PTPN2: variants seen among roughly 807,000 people sequenced by gnomAD.
The protein encoded by PTPN2 is tyrosine-protein phosphatase non-receptor type 2.
PTPN2 carries 19 observed loss-of-function variants against 57.3 expected under a neutral mutation model. That is an observed-to-expected ratio of 0.33 (90% CI 0.23 to 0.49). The LOEUF (loss-of-function observed/expected upper bound fraction) is 0.49, where lower values mean the gene tolerates loss of function less well. Ranked by LOEUF, PTPN2 falls within the 20% of genes least tolerant of loss-of-function variation. The pLI is 0.99. For synonymous variants in PTPN2, 153 were observed against 164.9 expected, an observed-to-expected ratio of 0.93 and a Z score of 0.55; for missense variants, 358 against 501.1, an observed-to-expected ratio of 0.71 and a Z score of 2.73.
At chr18:12,831,212 T>TA (rs1296396235) in intron 3 of PTPN2, among the ~76,000 whole-genome samples, 171 bp from the exon 4 acceptor site, 2 of 152,230 alleles carry the variant, frequency 1.3e-5, no homozygotes, top group Non-Finnish European at 2.9e-5. Flanking sequence ...AGGTCTGTGT[T>TA]AGTTAGGATT....
intron 6 of PTPN2, among the ~76,000 whole-genome samples, chr18:12,814,926 A>T (rs572331176): frequency 6.6e-6 from 1 of 151,952 alleles, no homozygotes; most frequent in Non-Finnish European, 1.5e-5. Flanking sequence ...TCTACTAAAA[A>T]TACAAAAATT....
At chr18:12,880,871 G>A (rs985951609) in intron 1 of PTPN2, among the ~76,000 whole-genome samples, 2 of 152,008 alleles carry the variant, frequency 1.3e-5, no homozygotes, top group African/African-American at 4.8e-5. Flanking sequence ...CCTCTCTCCC[G>A]AACTCCAAAT....
At chr18:12,808,988 A>G (rs968163499) in intron 7 of PTPN2, among the ~76,000 whole-genome samples, 2 of 152,172 alleles carry the variant, frequency 1.3e-5, no homozygotes, top group African/African-American at 4.8e-5. Context: ...GCCACTGTTC[A>G]GTCTAGGGGA....
chr18:12,849,465 A>G (rs2145438478), intron 2 of PTPN2, among the ~76,000 whole-genome samples: 1 of 152,340 alleles, frequency 6.6e-6, no homozygotes, highest in South Asian at 2.1e-4. Context: ...AGGCTGAGGC[A>G]GGAGAATTGC....
chr18:12,883,765 G>A (rs1483290888), intron 1 of PTPN2: 4 of 268,996 alleles, frequency 1.5e-5, no homozygotes, highest in African/African-American at 2.2e-5. Flanking sequence ...CCCGGGCCGC[G>A]CAACGCTGGT....
chr18:12,874,257 G>A (rs1262067907), intron 1 of PTPN2, among the ~76,000 whole-genome samples: 37 of 145,822 alleles, frequency 2.5e-4, no homozygotes, highest in Non-Finnish European at 3.0e-4. Context: ...GAGGTGGGGG[G>A]TTCAGCCCCC....
At chr18:12,845,993 C>T (rs113536244) in intron 2 of PTPN2, among the ~76,000 whole-genome samples, 153 of 152,280 alleles carry the variant, frequency 1.0e-3, no homozygotes, top group African/African-American at 3.3e-3. Context: ...TGTTCTTTCA[C>T]GGTATTTTTT....
At chr18:12,807,582 A>ATATATATATAT (rs764663687) in intron 7 of PTPN2, among the ~76,000 whole-genome samples, 3 of 61,492 alleles carry the variant, frequency 4.9e-5, no homozygotes, top group African/African-American at 8.7e-5. Context: ...AAAAAAAAAA[A>ATATATATATAT]AAAAATATAT....
Position 12,794,132 on chromosome 18 carries a change from TGTGACTG to T in PTPN2, c.*139_*145del. On this transcript the variant is annotated 3_prime_UTR_variant, in exon 9 of 9. Transcript: ENST00000309660. ...GTCAAGAGTCCTGAGATGTTGGGCT[TGTGACTG>T]TAAATATCACTTATCTGGTTGATGT... 6.9e-7 allele frequency: 1 copy of T among 1,458,844 alleles called. No individual in the cohort carries two copies. The highest frequency in any genetic ancestry group is 9.0e-7 in the Non-Finnish European group (1 of 1,111,168). The allele number at this position is 1,458,844 out of a possible 1,614,324, so 90.4% of individuals were successfully genotyped here. A position where few individuals can be genotyped will look rare whatever the true frequency, so the allele number is the denominator to read the frequency against.
intron 2 of PTPN2, among the ~76,000 whole-genome samples, chr18:12,841,275 G>A (rs1447851845): frequency 1.3e-5 from 2 of 152,224 alleles, no homozygotes; most frequent in African/African-American, 4.8e-5. Flanking sequence ...TGGCTAGAGA[G>A]GGCTCCCCAG....
chr18:12,789,850 ATC>A (rs200958252), downstream of PTPN2, among the ~76,000 whole-genome samples: 384 of 130,212 alleles, frequency 2.9e-3, 5 homozygotes, highest in East Asian at 0.028. Flanking sequence ...TATTTTATAT[ATC>A]TCTCTGTATG....
chr18:12,843,993 C>A (rs185521112), intron 2 of PTPN2: 36 of 152,340 alleles, frequency 2.4e-4, no homozygotes, highest in African/African-American at 8.4e-4. Context: ...CTCTCCCTCT[C>A]GAGAATTCTC....
chr18:12,835,380 G>GTTTTTTTTTTTTTTTTTTTTTTTTTTTT (rs1598816657), intron 3 of PTPN2, among the ~76,000 whole-genome samples: 1 of 20,664 alleles, frequency 4.8e-5, no homozygotes, highest in African/African-American at 1.2e-4. Flanking sequence ...GATCACATAT[G>GTTTTTTTTTTTTTTTTTTTTTTTTTTTT]TCTTTTTTTT....
In PTPN2 at chr18:12,830,100, AT is replaced by A. The variant is rs148424474; in HGVS notation, c.360+842del. On this transcript the variant is annotated intron_variant, in intron 4 of 8. Coordinates refer to ENST00000309660, the MANE Select transcript of PTPN2 (RefSeq NM_002828.4). ...CAAACTGACAATGTCATAATCCTTG[AT>A]TTTTTTTTTTTTCTTTTTTGAGATG... Among the ~76,000 whole-genome samples, 1,121 of 147,618 alleles carry A rather than the reference AT, an allele frequency of 7.6e-3. 2 individuals are homozygous for A. The highest frequency in any genetic ancestry group is 0.017 in the African/African-American group (666 of 40,146).
chr18:12,873,959 G>A (rs1182249473), intron 1 of PTPN2, among the ~76,000 whole-genome samples: 2 of 151,406 alleles, frequency 1.3e-5, no homozygotes, highest in Non-Finnish European at 2.9e-5. Context: ...GGGAGGTGAG[G>A]AGCGTCTCTG....
intron 1 of PTPN2, among the ~76,000 whole-genome samples, chr18:12,881,559 T>C (rs185269994): frequency 6.6e-6 from 1 of 152,320 alleles, no homozygotes; most frequent in African/African-American, 2.4e-5. Context: ...GCATCTCAAC[T>C]TCACACCAGT....
rs1453062116 is a variant in PTPN2 at position 12,802,182 on chromosome 18, G to A, written c.859-31C>T. ...TAGGGAAGAGAAATGAAAAACAAAT[G>A]CAAACATTAAAAATTTATTTTCCTT... is the stretch of plus-strand genomic sequence containing the variant. On this transcript the variant is annotated intron_variant, in intron 7 of 8. Transcript: ENST00000309660. The A allele has an allele frequency of 5.4e-6, 8 of 1,478,382 alleles. No individual in the cohort carries two copies. The East Asian group carries it at 7.1e-5, about 13-fold the overall frequency. The allele number at this position is 1,478,382 out of a possible 1,614,324, so 91.6% of individuals were successfully genotyped here.
chr18:12,798,748 T>A (rs1195090871), intron 8 of PTPN2, among the ~76,000 whole-genome samples: 1 of 152,188 alleles, frequency 6.6e-6, no homozygotes, highest in African/African-American at 2.4e-5. Context: ...AGTACAATGA[T>A]TTATATTCTT....
chr18:12,883,799 A>C (rs2044752642), intron 1 of PTPN2: 4 of 317,390 alleles, frequency 1.3e-5, no homozygotes. Flanking sequence ...GCTCCCCAAG[A>C]AGCCGCTGTG....
Sources: gnomAD v4.1 joint callset for allele counts (sites outside exome capture counted in the v4.1 genomes callset) on GRCh38, gnomAD v4.1.1 for gene constraint, MANE v1.5 for transcripts, NCBI Gene and HGNC (gene_info 2026-07-23, HGNC 2026-07-21) for gene names.